TMCC1: variants seen among roughly 807,000 people sequenced by gnomAD.
TMCC1 encodes the protein transmembrane and coiled-coil domain family 1.
A neutral mutation model predicts 52.4 loss-of-function variants in TMCC1; 15 were observed. That is an observed-to-expected ratio of 0.29 (90% CI 0.19 to 0.44). The LOEUF is 0.44. Among genes scored for constraint, TMCC1 ranks in the 20% least tolerant of loss-of-function variants. The pLI is 1.00. For missense variants in TMCC1, 503 were observed against 806.0 expected, an observed-to-expected ratio of 0.62 and a Z score of 4.55; for synonymous variants, 279 against 301.9, an observed-to-expected ratio of 0.92 and a Z score of 0.79.
intron 4 of TMCC1, among the ~76,000 whole-genome samples, chr3:129,775,403 G>A (rs2107712102): frequency 6.6e-6 from 1 of 152,166 alleles, no homozygotes; most frequent in African/African-American, 2.4e-5. Flanking sequence ...AGAGTTCAAG[G>A]CTGCAGTGAG....
chr3:129,702,574 G>A (rs1020422883), intron 4 of TMCC1, among the ~76,000 whole-genome samples: 18 of 152,150 alleles, frequency 1.2e-4, no homozygotes, highest in Non-Finnish European at 5.9e-5. Flanking sequence ...TGAATGCCAT[G>A]AATGTCAGAG....
intron 4 of TMCC1, among the ~76,000 whole-genome samples, chr3:129,708,656 A>G (rs1298841028): frequency 6.6e-6 from 1 of 152,242 alleles, no homozygotes; most frequent in East Asian, 1.9e-4. Context: ...TAGCCCAGGA[A>G]TTAATGAAGA....
intron 4 of TMCC1, among the ~76,000 whole-genome samples, chr3:129,820,377 T>A (rs1483538496): frequency 2.6e-5 from 4 of 151,702 alleles, no homozygotes; most frequent in African/African-American, 9.7e-5. Context: ...TAAAAAAATA[T>A]ATATATATAT....
At chr3:129,711,678 C>G (rs981821182) in intron 4 of TMCC1, among the ~76,000 whole-genome samples, 12 of 151,518 alleles carry the variant, frequency 7.9e-5, no homozygotes, top group Non-Finnish European at 1.8e-4. Flanking sequence ...AACCCTAACT[C>G]TACTAATAAG....
intron 4 of TMCC1, among the ~76,000 whole-genome samples, chr3:129,817,056 T>C (rs967611184): frequency 1.1e-4 from 16 of 151,716 alleles, no homozygotes; most frequent in African/African-American, 3.9e-4. Context: ...ACAAGACAAA[T>C]ATTTAAGGTG....
chr3:129,825,702 A>C (rs527317676), intron 4 of TMCC1, among the ~76,000 whole-genome samples: 50 of 152,302 alleles, frequency 3.3e-4, no homozygotes, highest in Middle Eastern at 3.4e-3. Context: ...GCATGATCTA[A>C]TTTTTTAGGA....
intron 4 of TMCC1, among the ~76,000 whole-genome samples, chr3:129,672,971 A>G (rs2088084483): frequency 6.6e-6 from 1 of 152,192 alleles, no homozygotes; most frequent in African/African-American, 2.4e-5. Flanking sequence ...ATTGAATTCA[A>G]TATATTACCA....
intron 4 of TMCC1, among the ~76,000 whole-genome samples, chr3:129,738,432 A>T (rs1294394751): frequency 1.3e-5 from 2 of 152,250 alleles, no homozygotes; most frequent in African/African-American, 4.8e-5. Flanking sequence ...CATATATTAC[A>T]CAATTCTGTT....
chr3:129,690,180 G>A (rs1395537870), intron 4 of TMCC1, among the ~76,000 whole-genome samples: 1 of 152,064 alleles, frequency 6.6e-6, no homozygotes, highest in Non-Finnish European at 1.5e-5. Flanking sequence ...TTTCAAATCA[G>A]TTGTGATTTC....
chr3:129,869,213 A>G (rs1411884261), intron 2 of TMCC1: 3 of 152,048 alleles, frequency 2.0e-5, no homozygotes, highest in Admixed American at 1.3e-4. Context: ...TGACTAAATG[A>G]TGGGGTTTGG....
intron 3 of TMCC1, among the ~76,000 whole-genome samples, chr3:129,832,382 A>G (rs1471809394): frequency 1.3e-5 from 2 of 152,200 alleles, no homozygotes; most frequent in African/African-American, 4.8e-5. Flanking sequence ...AGGTAGAAGG[A>G]GCAAAAGGTG....
intron 4 of TMCC1, among the ~76,000 whole-genome samples, chr3:129,776,849 G>A (rs1344392330): frequency 1.3e-5 from 2 of 152,038 alleles, no homozygotes; most frequent in East Asian, 3.9e-4. Context: ...TGCCCAGGCT[G>A]GTCTCAAACT....
intron 4 of TMCC1, among the ~76,000 whole-genome samples, chr3:129,813,271 A>T (rs1470924110): frequency 2.6e-5 from 4 of 152,234 alleles, no homozygotes; most frequent in Non-Finnish European, 5.9e-5. Context: ...CAAATAACTT[A>T]AAACAGAATT....
At chr3:129,755,280 C>A (rs945600438) in intron 4 of TMCC1, among the ~76,000 whole-genome samples, 2 of 151,940 alleles carry the variant, frequency 1.3e-5, no homozygotes, top group Non-Finnish European at 2.9e-5. Flanking sequence ...TCAATCATAC[C>A]CCAAACCTCA....
At chr3:129,808,140 C>G (rs1351967249) in intron 4 of TMCC1, among the ~76,000 whole-genome samples, 4 of 151,790 alleles carry the variant, frequency 2.6e-5, no homozygotes, top group Non-Finnish European at 5.9e-5. Context: ...TGCGACTGTG[C>G]TATGGCACTC....
chr3:129,760,594 C>T (rs1027730751), intron 4 of TMCC1, among the ~76,000 whole-genome samples: 3 of 151,964 alleles, frequency 2.0e-5, no homozygotes, highest in Admixed American at 2.0e-4. Flanking sequence ...TCTCCTGCCT[C>T]AGCCTCCTAA....
intron 2 of TMCC1, among the ~76,000 whole-genome samples, chr3:129,863,286 G>A (rs1328090330): frequency 6.6e-6 from 1 of 152,128 alleles, no homozygotes; most frequent in African/African-American, 2.4e-5. Flanking sequence ...TTTTTTAAGT[G>A]TTCCAACAAA....
intron 6 of TMCC1, among the ~76,000 whole-genome samples, chr3:129,653,466 C>T (rs772364465): frequency 2.0e-5 from 3 of 152,180 alleles, no homozygotes; most frequent in Non-Finnish European, 2.9e-5. Context: ...TTTTTTGAGA[C>T]GGAGTCTCGC....
intron 2 of TMCC1, among the ~76,000 whole-genome samples, chr3:129,867,968 T>C (rs1246436244): frequency 6.6e-6 from 1 of 152,216 alleles, no homozygotes; most frequent in Non-Finnish European, 1.5e-5. Context: ...AGAACTCTGC[T>C]AGGCACTACG....
Sources: allele counts gnomAD v4.1 joint callset (sites outside exome capture counted in the v4.1 genomes callset), GRCh38; gene constraint gnomAD v4.1.1; transcripts MANE v1.5; gene names NCBI Gene and HGNC (gene_info 2026-07-23, HGNC 2026-07-21).